The following KRT85 variants were observed in gnomAD, a reference collection of about 807,000 sequenced individuals.
KRT85 encodes keratin 85.
Under a neutral mutation model 53.7 loss-of-function variants are expected in KRT85, and 39 were observed. That is an observed-to-expected ratio of 0.73 (90% CI 0.56 to 0.95). The LOEUF (loss-of-function observed/expected upper bound fraction) is 0.95. Ranked by LOEUF, KRT85 falls within the 40% of genes least tolerant of loss-of-function variation. The probability of loss-of-function intolerance (pLI) is 0.00; values close to 1 mark genes in which losing one functional copy is unlikely to be tolerated. For missense variants in KRT85, 668 were observed against 686.0 expected, an observed-to-expected ratio of 0.97 and a Z score of 0.29; for synonymous variants, 291 against 277.5, an observed-to-expected ratio of 1.05 and a Z score of -0.48.
chr12:52,362,446 G>C lies in KRT85; in HGVS notation c.1103C>G (p.Ala368Gly). 6.2e-7 allele frequency: 1 copy of C among 1,614,160 alleles called. No individual in the cohort carries two copies. The highest frequency in any genetic ancestry group is 1.1e-5 in the South Asian group (1 of 91,088). ...CGCCTCACCCTGCTGCTCTGCCTCA[G>C]CCACAGCAGCCTCCAGCTTGGCACG... is the stretch of plus-strand genomic sequence containing the variant. ...CQRAKLEAAVAEAEQQGEAAL... is the reference protein window; with the variant it reads ...CQRAKLEAAVGEAEQQGEAAL... The change falls in exon 7 of 9, where the codon GCT becomes GGT. Residue 368 changes from alanine to glycine, a missense_variant. By Grantham distance (60) the Ala-to-Gly change is moderately conservative (BLOSUM62 0). Around this residue, in one of 3 missense-constraint regions of KRT85, gnomAD observed 488 missense variants for 498.1 expected, o/e 0.98. Coordinates refer to ENST00000257901, the MANE Select transcript of KRT85 (RefSeq NM_002283.4).
In KRT85 at chr12:52,360,865, G is replaced by A; in HGVS notation, c.1512C>T (p.Val504=). ...CTCCATGACTCTACTAGGCAAAGCGGACCGACCGGCTACTCCCGCAGCTGA... is the reference window on the plus strand; with the variant it reads ...CTCCATGACTCTACTAGGCAAAGCGAACCGACCGGCTACTCCCGCAGCTGA... The part of the protein sequence containing the change: ...SSFSCGSSRS[V]RFA The change falls in exon 9 of 9, where the codon GTC becomes GTT. Residue 504 remains valine, a synonymous_variant. Transcript: ENST00000257901. 6.2e-7 allele frequency: 1 copy of A among 1,612,262 alleles called. No individual in the cohort carries two copies. Among genetic ancestry groups the A allele is most frequent in the Non-Finnish European group, 8.5e-7 (1 of 1,180,020 alleles).
chr12:52,366,823 G>A (rs773291552), intron 1 of KRT85, among the ~76,000 whole-genome samples, 163 bp downstream of exon 1: 1 of 152,134 alleles, frequency 6.6e-6, no homozygotes, highest in African/African-American at 2.4e-5. Flanking sequence ...TAAATGCTGC[G>A]GGAGTTAAGT....
chr12:52,365,997 C>G (rs1939266052), intron 1 of KRT85, among the ~76,000 whole-genome samples: 1 of 152,174 alleles, frequency 6.6e-6, no homozygotes, highest in African/African-American at 2.4e-5. Flanking sequence ...ACTGCCTCTG[C>G]CCCCAAACCC....
chr12:52,362,562 G>T, intron 6 of KRT85, 91 bp from the exon 7 acceptor site: 1 of 1,515,116 alleles, frequency 6.6e-7, no homozygotes, highest in Non-Finnish European at 9.0e-7. Context: ...GGAGAGGAGG[G>T]TCCTGGAGAG....
Position 52,360,181 on chromosome 12 carries a change from T to G in KRT85, c.*672A>C. The G allele has an allele frequency of 6.4e-6, 1 of 156,706 alleles. No homozygotes were observed. Among genetic ancestry groups the G allele is most frequent in the Admixed American group, 6.2e-5 (1 of 16,156 alleles). 9.7% of individuals were successfully genotyped at this position (156,706 alleles called of 1,614,324 possible). ...GGGGGCATCTGGAGCAGCCATGGAGTCTTCTTTGAAATGTACAAAGGTTCA... is the reference window on the plus strand; with the variant it reads ...GGGGGCATCTGGAGCAGCCATGGAGGCTTCTTTGAAATGTACAAAGGTTCA... On this transcript the variant is annotated 3_prime_UTR_variant, in exon 9 of 9. Coordinates refer to ENST00000257901, the MANE Select transcript of KRT85 (RefSeq NM_002283.4).
chr12:52,364,439 T>C (rs979316628), intron 2 of KRT85, 73 bp from the exon 3 acceptor site: 1 of 1,613,350 alleles, frequency 6.2e-7, no homozygotes, highest in Non-Finnish European at 8.5e-7. Context: ...CTGGGCAAGT[T>C]CTTCCGGGGA....
chr12:52,364,145 G>T lies in KRT85; in HGVS notation c.709C>A (p.Leu237Met). ...VLKKDVDCAY[L>M]RKSDLEANVE... ...TTGGCCTCCAGGTCTGATTTCCGCA[G>T]GTAGGCACAGTCCACGTCCTGGCCG... Residue 237 changes from leucine (L) to methionine (M), a missense_variant, in exon 4 of 9, where the codon CTG becomes ATG. Leu to Met is a conservative substitution (Grantham distance 15). Around this residue, in one of 3 missense-constraint regions of KRT85, gnomAD observed 488 missense variants for 498.1 expected, o/e 0.98. Coordinates refer to ENST00000257901, the MANE Select transcript of KRT85 (RefSeq NM_002283.4). 1.2e-6 allele frequency: 2 copies of T among 1,614,180 alleles called. No homozygotes were observed. The highest frequency in any genetic ancestry group is 2.2e-5 in the East Asian group (1 of 44,878).
At position 52,366,137 on chromosome 12, in the gene KRT85, C is replaced by T. The variant is rs80024185; in HGVS notation, c.420+849G>A. ...GGGAGGCAGCCTCACAGCTATGCAG[C>T]GTTCTCCACACTCTGGCTGCATTAG... On this transcript the variant is annotated intron_variant, in intron 1 of 8. Transcript: ENST00000257901. 1.1e-4 allele frequency among the ~76,000 whole-genome samples: 16 copies of T among 152,340 alleles called. No homozygotes were observed. In the East Asian group the frequency reaches 2.7e-3, roughly 26 times the overall value.
chr12:52,360,952 G>A lies in KRT85; in HGVS notation c.1425C>T (p.Gly475=), dbSNP rs573291170. ...CAGGGGCCACCACCGTGATGCTGCC[G>A]CCTATGGCTGAGGGGCCAGAAGTGA... ...RQITSGPSAI[G]GSITVVAPDS... Residue 475 remains glycine (G), a synonymous_variant, in exon 9 of 9, where the codon GGC becomes GGT. Coordinates refer to ENST00000257901, the MANE Select transcript of KRT85 (RefSeq NM_002283.4). The A allele has an allele frequency of 2.7e-5, 44 of 1,613,324 alleles. No homozygotes were observed. The highest frequency in any genetic ancestry group is 2.1e-4 in the South Asian group (19 of 91,030).
rs185140452 is a variant in KRT85 at position 52,365,125 on chromosome 12, G to T, written c.466C>A (p.Gln156Lys). ...QQNKLLETKW[Q>K]FYQNQRCCES... Reference sequence around the variant, plus strand: ...CAGCAGCGCTGGTTCTGGTAGAACTGCCACTTGGTCTCCAGCAGCTTGTTC... The same window carrying T: ...CAGCAGCGCTGGTTCTGGTAGAACTTCCACTTGGTCTCCAGCAGCTTGTTC... Residue 156 changes from glutamine (Q) to lysine (K), a missense_variant, in exon 2 of 9, where the codon CAG (glutamine) becomes AAG (lysine). Physicochemically the swap from Gln to Lys is moderately conservative, Grantham distance 53 (BLOSUM62 1). Coordinates refer to ENST00000257901, the MANE Select transcript of KRT85 (RefSeq NM_002283.4). 6.2e-7 allele frequency: 1 copy of T among 1,614,236 alleles called. No individual in the cohort carries two copies. Among genetic ancestry groups the T allele is most frequent in the South Asian group, 1.1e-5 (1 of 91,086 alleles).
In KRT85 at chr12:52,364,102, T is replaced by C; in HGVS notation, c.752A>G (p.Glu251Gly). ...DLEANVEALV[E>G]ESSFLRRLYE... Reference sequence around the variant, plus strand: ...GAGGCGCCTCAGGAAGCTAGACTCCTCCACCAGGGCCTCCACATTGGCCTC... The same window carrying C: ...GAGGCGCCTCAGGAAGCTAGACTCCCCCACCAGGGCCTCCACATTGGCCTC... The change falls in exon 4 of 9, where the codon GAG becomes GGG. Residue 251 changes from glutamate to glycine, a missense_variant. Glu to Gly is a moderately conservative substitution (Grantham distance 98, BLOSUM62 -2). This residue lies in a region of KRT85 where 488 missense variants were observed against 498.1 expected (regional missense o/e 0.98). Transcript: ENST00000257901. The C allele has an allele frequency of 6.2e-7, 1 of 1,614,042 alleles. No individual in the cohort carries two copies. Among genetic ancestry groups the C allele is most frequent in the Non-Finnish European group, 8.5e-7 (1 of 1,180,020 alleles).
In KRT85 at chr12:52,361,459, A is replaced by T; in HGVS notation, c.1330+8T>A. On this transcript the variant is annotated splice_region_variant and intron_variant, in intron 8 of 8. Transcript: ENST00000257901. ...ATTTTTCCAGGAGAATTTCAGGCAG[A>T]TACTCACAGACATTCACAGAGCCCA... The T allele has an allele frequency of 6.2e-7, 1 of 1,613,856 alleles. No homozygotes were observed. The highest frequency in any genetic ancestry group is 8.5e-7 in the Non-Finnish European group (1 of 1,179,732).
At chr12:52,363,497 A>C (rs1350646685) in intron 4 of KRT85, 87 bp from the exon 5 acceptor site, 3 of 1,445,284 alleles carry the variant, frequency 2.1e-6, no homozygotes, top group Non-Finnish European at 1.9e-6. Context: ...CACTTCCCAG[A>C]CCGGGCACTG....
chr12:52,363,976 C>T (rs1939233273), intron 4 of KRT85, 92 bp downstream of exon 4: 2 of 979,532 alleles, frequency 2.0e-6, no homozygotes, highest in Admixed American at 1.7e-5. Context: ...CATTGGCAAA[C>T]ATAGGCACAC....
At chr12:52,364,716 G>T in intron 2 of KRT85, 1 of 1,411,980 alleles carries the variant, frequency 7.1e-7, no homozygotes, top group Non-Finnish European at 9.3e-7. Flanking sequence ...GACATAGAGA[G>T]TGCTAGAATT....
intron 5 of KRT85, 54 bp downstream of exon 5, chr12:52,363,192 C>G (rs929696562): frequency 6.2e-7 from 1 of 1,607,522 alleles, no homozygotes; most frequent in Non-Finnish European, 8.5e-7. Flanking sequence ...CTAATAGATG[C>G]CTAACTTCCC....
At chr12:52,364,578 G>T in intron 2 of KRT85, 1 of 1,449,652 alleles carries the variant, frequency 6.9e-7, no homozygotes, top group Admixed American at 2.6e-5. Context: ...CTCTGAGATG[G>T]GGTTAGGAAT....
chr12:52,363,142 G>T lies in KRT85; in HGVS notation c.951+104C>A, dbSNP rs1023527814. On this transcript the variant is annotated intron_variant, in intron 5 of 8. Coordinates refer to ENST00000257901, the MANE Select transcript of KRT85 (RefSeq NM_002283.4). ...GAGAACTACTGGCTTTTCTCATACT[G>T]TCCTCATGGGTCAGAATCCCCAGGC... The T allele has an allele frequency of 5.8e-6, 9 of 1,555,916 alleles. No individual in the cohort carries two copies. In the African/African-American group the frequency reaches 1.1e-4, roughly 19 times the overall value.
intron 2 of KRT85, chr12:52,364,693 T>C: frequency 7.0e-7 from 1 of 1,430,434 alleles, no homozygotes; most frequent in Non-Finnish European, 9.1e-7. Flanking sequence ...AAAGGTAAGC[T>C]GTGAAGGACA....
Sources: gnomAD v4.1 joint callset for allele counts (sites outside exome capture counted in the v4.1 genomes callset) on GRCh38, gnomAD v4.1.1 for gene constraint, gnomAD v4.1.1 regional missense constraint, MANE v1.5 for transcripts, NCBI Gene and HGNC (gene_info 2026-07-23, HGNC 2026-07-21) for gene names.